Variants in SLC28A2 observed in about 807,000 individuals in gnomAD.
SLC28A2 encodes the protein sodium/nucleoside cotransporter 2.
SLC28A2 carries 69 observed loss-of-function variants against 72.9 expected under a neutral mutation model. The ratio of observed to expected loss-of-function variants is 0.95; its 90% CI spans 0.78 to 1.16. The LOEUF is 1.16. Among genes scored for constraint, SLC28A2 ranks in the 50% most tolerant of loss-of-function variants. The pLI, the probability that SLC28A2 is intolerant of heterozygous loss-of-function variation, is 0.00. For missense variants in SLC28A2, 745 were observed against 791.1 expected (o/e 0.94, Z 0.70); for synonymous variants, 296 against 294.1 (o/e 1.01, Z -0.07).
At chr15:45,272,257 G>A (rs367861663) in intron 15 of SLC28A2, 38 bp from the exon 16 acceptor site, 81 of 1,568,750 alleles carry the variant, frequency 5.2e-5, no homozygotes, top group African/African-American at 6.8e-5. Flanking sequence ...TTGCCTTGGT[G>A]GGGAAAAGCT....
Position 45,263,967 on chromosome 15 carries a change from CAG to C in SLC28A2, c.534_535del (p.Gly179AsnfsTer41). On this transcript the variant is annotated frameshift_variant, in exon 6 of 18. Transcript: ENST00000347644. LOFTEE classifies it high-confidence loss of function. ...AGGCCAGAGCAGCTGATCCCCTTTGCAGGAATCTGCATGTTCATCCTTATCCT... is the reference window on the plus strand; with the variant it reads ...AGGCCAGAGCAGCTGATCCCCTTTGCGAATCTGCATGTTCATCCTTATCCT... 6.2e-7 allele frequency: 1 copy of C among 1,613,680 alleles called. No homozygotes were observed. The highest frequency in any genetic ancestry group is 8.5e-7 in the Non-Finnish European group (1 of 1,179,780).
At chr15:45,254,122 T>A (rs968512789) in intron 3 of SLC28A2, among the ~76,000 whole-genome samples, 2 of 152,132 alleles carry the variant, frequency 1.3e-5, no homozygotes, top group East Asian at 3.9e-4. Flanking sequence ...CCAGAAGTAA[T>A]GTCAAAGAAA....
chr15:45,275,556 T>G lies in SLC28A2; in HGVS notation c.*43T>G. The G allele has an allele frequency of 7.9e-7, 1 of 1,272,896 alleles. No individual in the cohort carries two copies. Among genetic ancestry groups the G allele is most frequent in the South Asian group, 1.2e-5 (1 of 82,376 alleles). 78.9% of individuals were successfully genotyped at this position (1,272,896 alleles called of 1,614,324 possible). On this transcript the variant is annotated 3_prime_UTR_variant, in exon 18 of 18. Coordinates refer to ENST00000347644, the MANE Select transcript of SLC28A2 (RefSeq NM_004212.4). ...CTATAACAGTTTTGATCTTAAAAGC[T>G]TTGTGATTGCAAAGGTGTTTATGTA... is the stretch of plus-strand genomic sequence containing the variant.
rs143977198 is a variant in SLC28A2 at position 45,265,791 on chromosome 15, T to C, written c.861+128T>C. On this transcript the variant is annotated intron_variant, in intron 9 of 17. Transcript: ENST00000347644. Reference sequence around the variant, plus strand: ...GGGAAAAGGCAGGCCCTCTCAAGCATGCCTGATAGCAAACTGTCAGCCGAG... The same window carrying C: ...GGGAAAAGGCAGGCCCTCTCAAGCACGCCTGATAGCAAACTGTCAGCCGAG... 24 of 725,982 alleles carry C rather than the reference T, an allele frequency of 3.3e-5. No individual in the cohort carries two copies. In the East Asian group the frequency reaches 5.3e-4, roughly 16 times the overall value. The allele number at this position is 725,982 out of a possible 1,614,324, so 45.0% of individuals were successfully genotyped here. A position where few individuals can be genotyped will look rare whatever the true frequency, so the allele number is the denominator to read the frequency against.
At chr15:45,267,841 T>C (rs760925548) in intron 12 of SLC28A2, 45 bp downstream of exon 12, 1 of 1,609,918 alleles carries the variant, frequency 6.2e-7, no homozygotes, top group South Asian at 1.1e-5. Context: ...TGAGCTGTAG[T>C]TAAGAGTGGC....
chr15:45,252,423 A>C (rs1381703138), intron 1 of SLC28A2, 145 bp downstream of exon 1: 1 of 384,362 alleles, frequency 2.6e-6, no homozygotes, highest in Non-Finnish European at 5.1e-6. Flanking sequence ...TGTTTAATGA[A>C]ATTATACTTC....
At chr15:45,260,995 T>G (rs1900144715) in intron 3 of SLC28A2, among the ~76,000 whole-genome samples, 1 of 152,042 alleles carries the variant, frequency 6.6e-6, no homozygotes, top group African/African-American at 2.4e-5. Context: ...TGGGAGTGTG[T>G]TAGATGGGAG....
intron 3 of SLC28A2, among the ~76,000 whole-genome samples, chr15:45,261,640 G>C (rs952823449): frequency 1.3e-5 from 2 of 152,106 alleles, no homozygotes; most frequent in Admixed American, 6.5e-5. Flanking sequence ...TTTTAGGGAG[G>C]GATGGCCAAA....
chr15:45,265,297 C>G (rs1375020741), intron 8 of SLC28A2, 131 bp downstream of exon 8: 41 of 710,366 alleles, frequency 5.8e-5, no homozygotes, highest in Non-Finnish European at 9.5e-5. Context: ...GGGTTTAACC[C>G]CATCAGTAAA....
At chr15:45,254,895 C>T (rs8041702) in intron 3 of SLC28A2, among the ~76,000 whole-genome samples, 95,226 of 151,742 alleles carry the variant, frequency 0.63, 31,223 homozygotes, top group African/African-American at 0.72. Context: ...AGCAGTGTGG[C>T]CGTTAATCAT....
rs1335122864 is a variant in SLC28A2, at chr15:45,269,469, T to G, written c.1500T>G (p.Ser500=). Residue 500 remains serine, a synonymous_variant, in exon 14 of 18, where the codon TCT becomes TCG. Coordinates refer to ENST00000347644, the MANE Select transcript of SLC28A2 (RefSeq NM_004212.4). ...AGTTTGTGGCTTATCAGCAACTGTC[T>G]CAATACAAGAACAAACGTCTCTCTG... ...INEFVAYQQL[S]QYKNKRLSGM... 1.2e-6 allele frequency: 2 copies of G among 1,613,962 alleles called. No individual in the cohort carries two copies. Among genetic ancestry groups the G allele is most frequent in the Admixed American group, 3.3e-5 (2 of 59,990 alleles).
At chr15:45,257,903 G>A (rs1328376652) in intron 3 of SLC28A2, among the ~76,000 whole-genome samples, 1 of 152,234 alleles carries the variant, frequency 6.6e-6, no homozygotes, top group Non-Finnish European at 1.5e-5. Context: ...GATGGCTCAT[G>A]TATTTGCATT....
rs1479476507 is a variant in SLC28A2, at chr15:45,267,401, T to G, written c.943-54T>G. 6.2e-6 allele frequency: 10 copies of G among 1,606,394 alleles called. No individual in the cohort carries two copies. The Admixed American group carries it at 1.7e-4, about 27-fold the overall frequency. On this transcript the variant is annotated intron_variant, in intron 10 of 17. Transcript: ENST00000347644. ...GCCCCTGGGGCTGGGGTGGGCACAC[T>G]GGCATGGGGAGTTACACCTTCTTGG...
At chr15:45,256,409 G>T (rs1899980619) in intron 3 of SLC28A2, among the ~76,000 whole-genome samples, 2 of 151,798 alleles carry the variant, frequency 1.3e-5, no homozygotes, top group South Asian at 2.1e-4. Flanking sequence ...ATTTCTACGT[G>T]TGATTTTCTT....
In SLC28A2 at chr15:45,267,739, A is replaced by T. The variant is rs987016757; in HGVS notation, c.1142A>T (p.Tyr381Phe). Residue 381 changes from tyrosine (Y) to phenylalanine (F), a missense_variant, in exon 12 of 18, where the codon TAT becomes TTT. Coordinates refer to ENST00000347644, the MANE Select transcript of SLC28A2 (RefSeq NM_004212.4). ...PCALASSKLA[Y>F]PEVEESKFKS... ...GCTCTCGCCTCATCAAAGCTAGCGT[A>T]TCCGGAAGTGGAGGAGTCCAAGTTC... The T allele has an allele frequency of 1.2e-6, 2 of 1,614,036 alleles. No homozygotes were observed. The highest frequency in any genetic ancestry group is 1.7e-6 in the Non-Finnish European group (2 of 1,179,986).
chr15:45,265,152 G>A lies in SLC28A2; in HGVS notation c.766G>A (p.Val256Ile). Reference protein sequence around the residue: ...FVFGDTLVKDVFAFQALPIII... With the variant: ...FVFGDTLVKDIFAFQALPIII... ...CTTTGGGGATACACTGGTCAAGGAT[G>A]TCTTTGCTTTTCAGGTGATACCTAT... is the stretch of plus-strand genomic sequence containing the variant. The change falls in exon 8 of 18, where the codon GTC (valine) becomes ATC (isoleucine). Residue 256 changes from valine (V) to isoleucine (I), a missense_variant. Transcript: ENST00000347644. 2 of 1,608,528 alleles carry A rather than the reference G, an allele frequency of 1.2e-6. No individual in the cohort carries two copies. The highest frequency in any genetic ancestry group is 1.7e-5 in the Admixed American group (1 of 60,010).
In SLC28A2 at chr15:45,272,709, G is replaced by C. The variant is rs1404434324; in HGVS notation, c.1784G>C (p.Cys595Ser). 3 of 1,611,692 alleles carry C rather than the reference G, an allele frequency of 1.9e-6. No homozygotes were observed. The Admixed American group carries it at 5.0e-5, about 27-fold the overall frequency. The change falls in exon 17 of 18, where the codon TGT becomes TCT. Residue 595 changes from cysteine to serine, a missense_variant. By Grantham distance (112) the Cys-to-Ser change is moderately radical (BLOSUM62 -1). Coordinates refer to ENST00000347644, the MANE Select transcript of SLC28A2 (RefSeq NM_004212.4). ...GTCCCCAGGGGAGCTGAAGCTGACT[G>C]TGTCTCCTTCCCAAACACAAGTTTC... Reference protein sequence around the residue: ...LYVPRGAEADCVSFPNTSFTN... With the variant: ...LYVPRGAEADSVSFPNTSFTN...
intron 14 of SLC28A2, among the ~76,000 whole-genome samples, 194 bp downstream of exon 14, chr15:45,269,729 T>C (rs753936876): frequency 3.3e-5 from 5 of 152,156 alleles, no homozygotes; most frequent in Non-Finnish European, 7.4e-5. Context: ...TGGGTCTGCA[T>C]GCTATTTTCC....
At chr15:45,266,553 T>C (rs1192120693) in intron 10 of SLC28A2, among the ~76,000 whole-genome samples, 4 of 152,188 alleles carry the variant, frequency 2.6e-5, no homozygotes, top group Admixed American at 2.0e-4. Context: ...AAATCACTTA[T>C]CTTGCTCATC....
Sources: gnomAD v4.1 joint callset for allele counts (sites outside exome capture counted in the v4.1 genomes callset) on GRCh38, gnomAD v4.1.1 for gene constraint, MANE v1.5 for transcripts, NCBI Gene and HGNC (gene_info 2026-07-23, HGNC 2026-07-21) for gene names.